ABHD17A: variants seen among roughly 807,000 people sequenced by gnomAD.
The protein encoded by ABHD17A is abhydrolase domain containing 17A, depalmitoylase, also known as alpha/beta hydrolase domain-containing protein 17A.
ABHD17A carries 10 observed loss-of-function variants against 26.8 expected under a neutral mutation model. The observed-to-expected ratio is 0.37, with a 90% CI of 0.23 to 0.63. The LOEUF (loss-of-function observed/expected upper bound fraction) is 0.63, where lower values mean the gene tolerates loss of function less well. Ranked by LOEUF, ABHD17A falls within the 30% of genes least tolerant of loss-of-function variation. The pLI, the probability that ABHD17A is intolerant of heterozygous loss-of-function variation, is 0.61. For missense variants in ABHD17A, 292 were observed against 457.3 expected, an observed-to-expected ratio of 0.64 and a Z score of 3.30; for synonymous variants, 167 against 210.9, an observed-to-expected ratio of 0.79 and a Z score of 1.80.
chr19:1,877,182 G>C lies in ABHD17A; in HGVS notation c.*18C>G. On this transcript the variant is annotated 3_prime_UTR_variant, in exon 5 of 5. Coordinates refer to ENST00000292577, the MANE Select transcript of ABHD17A (RefSeq NM_001130111.2). ...GGGGGCCGCCTTATTGCTGAGGTCC[G>C]GCCGGTTGGGGCCGCCGCTAGGCGC... 7.2e-6 allele frequency: 10 copies of C among 1,389,322 alleles called. No homozygotes were observed. The highest frequency in any genetic ancestry group is 2.4e-5 in the East Asian group (1 of 40,852). The allele number at this position is 1,389,322 out of a possible 1,614,324, so 86.1% of individuals were successfully genotyped here. A position where few individuals can be genotyped will look rare whatever the true frequency, so the allele number is the denominator to read the frequency against.
intron 1 of ABHD17A, 119 bp downstream of exon 1, chr19:1,885,233 C>T (rs2012647407): frequency 6.6e-6 from 1 of 151,952 alleles, no homozygotes. Context: ...CGGGCAGGAC[C>T]CGCGGAAGCC....
rs1376475305 is a variant in ABHD17A at position 1,881,395 on chromosome 19, C to T, written c.172G>A (p.Ala58Thr). The change falls in exon 2 of 5, where the codon GCC becomes ACC. Residue 58 changes from alanine to threonine, a missense_variant. Ala to Thr is a moderately conservative substitution (Grantham distance 58, BLOSUM62 0). This residue lies in a region of ABHD17A where 171 missense variants were observed against 216.1 expected (regional missense o/e 0.79). Transcript: ENST00000292577. ...AGAAPLGTLR[A>T]SSGAPGRWKL... is the part of the protein sequence containing the mutation. ...CAGCGCCCGGGTGCGCCCGAGGAGG[C>T]TCTCAGGGTCCCCAAGGGGGCGGCC... 2 of 1,604,718 alleles carry T rather than the reference C, an allele frequency of 1.2e-6. No individual in the cohort carries two copies. The highest frequency in any genetic ancestry group is 1.7e-6 in the Non-Finnish European group (2 of 1,178,868).
Position 1,880,103 on chromosome 19 carries a change from G to A in ABHD17A, c.345C>T (p.Leu115=). 3 of 1,613,088 alleles carry A rather than the reference G, an allele frequency of 1.9e-6. No homozygotes were observed. Among genetic ancestry groups the A allele is most frequent in the African/African-American group, 1.3e-5 (1 of 75,064 alleles). Residue 115 remains leucine (L), a synonymous_variant, in exon 3 of 5, where the codon CTC becomes CTT. Transcript: ENST00000292577. The surrounding 1 kb of genome is among the most constrained non-coding windows in gnomAD (Gnocchi z 4.1). ...GGTCCACGGCATTGCCGTGCGAGAA[G>A]AGGACCGTGTACCTGGGACAGGCCG... ...RCVPGARYTV[L]FSHGNAVDLG... is the part of the protein sequence containing the mutation.
In ABHD17A at chr19:1,879,986, C is replaced by T. The variant is rs146705668; in HGVS notation, c.462G>A (p.Ser154=). Residue 154 remains serine (S), a synonymous_variant, in exon 3 of 5, where the codon TCG becomes TCA. Transcript: ENST00000292577. This position sits in a 1 kb window ranked among gnomAD's most constrained non-coding sequence, Gnocchi z 7.6. ...SYDYSGYGAS[S]GRPSERNLYA... ...AGAGGTTCCTCTCGGAAGGCCTGCC[C>T]GAGCTGGCACCGTAGCCGGAGTAGT... is the stretch of plus-strand genomic sequence containing the variant. The T allele has an allele frequency of 6.8e-6, 11 of 1,613,070 alleles. No individual in the cohort carries two copies. Among genetic ancestry groups the T allele is most frequent in the African/African-American group, 6.7e-5 (5 of 74,950 alleles).
chr19:1,878,616 G>A (rs1016877392), intron 3 of ABHD17A: 7 of 152,384 alleles, frequency 4.6e-5, no homozygotes, highest in African/African-American at 1.7e-4. Context: ...CCCCGTCCCT[G>A]GCCTGGAATC....
Position 1,885,096 on chromosome 19 carries a change from C to G in ABHD17A, c.-239+256G>C, listed in dbSNP as rs567616694. Reference sequence around the variant, plus strand: ...ATCCGCGGCTCGGACGGGTGCTCCCCGAAGGCAAGGGCCGCGTCCGCAGGA... The same window carrying G: ...ATCCGCGGCTCGGACGGGTGCTCCCGGAAGGCAAGGGCCGCGTCCGCAGGA... On this transcript the variant is annotated intron_variant, in intron 1 of 4. Coordinates refer to ENST00000292577, the MANE Select transcript of ABHD17A (RefSeq NM_001130111.2). Among the ~76,000 whole-genome samples, 33 of 152,306 alleles carry G rather than the reference C, an allele frequency of 2.2e-4. No homozygotes were observed. The East Asian group carries it at 5.0e-3, about 23-fold the overall frequency.
At chr19:1,883,434 C>T (rs1610107) in intron 1 of ABHD17A, 87,692 of 152,052 alleles carry the variant, frequency 0.58, 25,657 homozygotes, top group Middle Eastern at 0.68. Context: ...CAGGCCCTAC[C>T]GGTGCTGCCC....
At chr19:1,882,705 T>C (rs998940632) in intron 1 of ABHD17A, 2 of 152,156 alleles carry the variant, frequency 1.3e-5, no homozygotes, top group African/African-American at 2.4e-5. Flanking sequence ...ACAGCTAAGT[T>C]GCTAAAGCAA....
In ABHD17A at chr19:1,881,238, G is replaced by A. The variant is rs1429919891; in HGVS notation, c.329C>T (p.Ala110Val). The A allele has an allele frequency of 6.2e-7, 1 of 1,610,856 alleles. No individual in the cohort carries two copies. Among genetic ancestry groups the A allele is most frequent in the African/African-American group, 1.3e-5 (1 of 74,864 alleles). Residue 110 changes from alanine (A) to valine (V), a missense_variant, in exon 2 of 5, where the codon GCC becomes GTC. By Grantham distance (64) the Ala-to-Val change is moderately conservative (BLOSUM62 0). Coordinates refer to ENST00000292577, the MANE Select transcript of ABHD17A (RefSeq NM_001130111.2). ...SCMYVRCVPG[A>V]RYTVLFSHGN... The stretch of plus-strand genomic sequence containing the variant: ...AGGCGCGGCCACAGCTGCTCACCTG[G>A]CACCAGGCACGCAGCGAACATACAT...
Position 1,880,854 on chromosome 19 carries a change from T to C in ABHD17A, c.332+381A>G, listed in dbSNP as rs1276598641. 6.2e-7 allele frequency: 1 copy of C among 1,610,074 alleles called. No individual in the cohort carries two copies. Among genetic ancestry groups the C allele is most frequent in the Non-Finnish European group, 8.5e-7 (1 of 1,178,098 alleles). Reference sequence around the variant, plus strand: ...GCCCCCACCTAGCCCAGCCAGAAGGTAAAGGCTCGCCCTCTGGACTCAGAT... The same window carrying C: ...GCCCCCACCTAGCCCAGCCAGAAGGCAAAGGCTCGCCCTCTGGACTCAGAT... On this transcript the variant is annotated intron_variant, in intron 2 of 4. Transcript: ENST00000292577. This position sits in a 1 kb window ranked among gnomAD's most constrained non-coding sequence, Gnocchi z 4.1.
intron 3 of ABHD17A, chr19:1,878,973 T>A (rs941117372): frequency 4.6e-5 from 7 of 152,206 alleles, no homozygotes; most frequent in African/African-American, 1.7e-4. Context: ...ATGGCAGGTG[T>A]GACTCTGCCA....
intron 1 of ABHD17A, among the ~76,000 whole-genome samples, chr19:1,884,588 G>T (rs2012624393): frequency 6.6e-6 from 1 of 152,154 alleles, no homozygotes; most frequent in South Asian, 2.1e-4. Context: ...ACCAGTCAGG[G>T]TGGGAAACCC....
chr19:1,876,909 G>A lies in ABHD17A; in HGVS notation c.*291C>T, dbSNP rs760930286. The A allele has an allele frequency of 1.3e-5, 6 of 448,032 alleles. No homozygotes were observed. The highest frequency in any genetic ancestry group is 3.9e-5 in the Admixed American group (1 of 25,940). The allele number at this position is 448,032 out of a possible 1,614,324, so 27.8% of individuals were successfully genotyped here. On this transcript the variant is annotated 3_prime_UTR_variant, in exon 5 of 5. Transcript: ENST00000292577. ...TCAGGGACGAAACCTGGGAACCCCG[G>A]CCCCCTTTCGAGCTCGCTGAGCGCT...
At position 1,880,912 on chromosome 19, in the gene ABHD17A, T is replaced by C; in HGVS notation, c.332+323A>G. 1 of 1,613,076 alleles carries C rather than the reference T, an allele frequency of 6.2e-7. No individual in the cohort carries two copies. Among genetic ancestry groups the C allele is most frequent in the South Asian group, 1.1e-5 (1 of 91,082 alleles). On this transcript the variant is annotated intron_variant, in intron 2 of 4. Transcript: ENST00000292577. The surrounding 1 kb of genome is among the most constrained non-coding windows in gnomAD (Gnocchi z 4.1). ...GAACCCCACCTGGCGAGAAGGTGGA[T>C]GTACCCGCAGGCCAGGGCAGCCCCT...
At position 1,881,650 on chromosome 19, in the gene ABHD17A, G is replaced by A. The variant is rs2012539667; in HGVS notation, c.-84C>T. The A allele has an allele frequency of 1.1e-5, 15 of 1,406,102 alleles. No individual in the cohort carries two copies. The highest frequency in any genetic ancestry group is 1.4e-5 in the Non-Finnish European group (15 of 1,090,422). The allele number at this position is 1,406,102 out of a possible 1,614,324, so 87.1% of individuals were successfully genotyped here. ...CTGGCCCGGCAGGGGAGGGGTGGGGGTGCTCCGAGTCGCGGGCAGGGGGGA... is the reference window on the plus strand; with the variant it reads ...CTGGCCCGGCAGGGGAGGGGTGGGGATGCTCCGAGTCGCGGGCAGGGGGGA... On this transcript the variant is annotated 5_prime_UTR_variant, in exon 2 of 5. Transcript: ENST00000292577.
chr19:1,880,988 G>C lies in ABHD17A; in HGVS notation c.332+247C>G. ...AACCACCAGGCGCTGGGTTGTTGGA[G>C]TCGCCCAGCCTGCCCACCCATGCCA... On this transcript the variant is annotated intron_variant, in intron 2 of 4. Coordinates refer to ENST00000292577, the MANE Select transcript of ABHD17A (RefSeq NM_001130111.2). The surrounding 1 kb of genome is among the most constrained non-coding windows in gnomAD (Gnocchi z 4.1). The C allele has an allele frequency of 6.2e-7, 1 of 1,612,320 alleles. No homozygotes were observed. Among genetic ancestry groups the C allele is most frequent in the South Asian group, 1.1e-5 (1 of 91,050 alleles).
rs2012456895 is a variant in ABHD17A, at chr19:1,879,314, GC to G, written c.527+606del. On this transcript the variant is annotated intron_variant, in intron 3 of 4. Coordinates refer to ENST00000292577, the MANE Select transcript of ABHD17A (RefSeq NM_001130111.2). This position sits in a 1 kb window ranked among gnomAD's most constrained non-coding sequence, Gnocchi z 7.6. ...GGTCTCCTCGTCCAAAGCAGCACTG[GC>G]CCGGGCGGTGCTCAAACACCGGTGA... 6.1e-6 allele frequency: 1 copy of G among 162,856 alleles called. No homozygotes were observed. The highest frequency in any genetic ancestry group is 1.3e-5 in the Non-Finnish European group (1 of 74,420). 10.1% of individuals were successfully genotyped at this position (162,856 alleles called of 1,614,324 possible).
intron 1 of ABHD17A, 145 bp downstream of exon 1, chr19:1,885,207 C>T (rs1450498906): frequency 6.6e-6 from 1 of 152,150 alleles, no homozygotes; most frequent in Non-Finnish European, 1.5e-5. Context: ...GGTCCGCGCC[C>T]CTGCTCTGGG....
chr19:1,876,889 G>A lies in ABHD17A; in HGVS notation c.*311C>T, dbSNP rs182143325. The A allele has an allele frequency of 4.8e-6, 2 of 420,494 alleles. No homozygotes were observed. The highest frequency in any genetic ancestry group is 4.0e-5 in the Admixed American group (1 of 25,102). The allele number at this position is 420,494 out of a possible 1,614,324, so 26.0% of individuals were successfully genotyped here. On this transcript the variant is annotated 3_prime_UTR_variant, in exon 5 of 5. Coordinates refer to ENST00000292577, the MANE Select transcript of ABHD17A (RefSeq NM_001130111.2). ...TGCCGATCTCTCCTAGGGACTCAGG[G>A]ACGAAACCTGGGAACCCCGGCCCCC...
Sources: gnomAD v4.1 joint callset for allele counts (sites outside exome capture counted in the v4.1 genomes callset) on GRCh38, gnomAD v4.1.1 for gene constraint, gnomAD v4.1.1 regional missense constraint, Gnocchi (gnomAD v3.1) non-coding constraint, MANE v1.5 for transcripts, NCBI Gene and HGNC (gene_info 2026-07-23, HGNC 2026-07-21) for gene names.